The following SNX29 variants were observed in gnomAD, a reference collection of about 807,000 sequenced individuals.
The protein encoded by SNX29 is sorting nexin 29.
Under a neutral mutation model 102.1 loss-of-function variants are expected in SNX29, and 78 were observed. That is an observed-to-expected ratio of 0.76 (90% CI 0.64 to 0.92). The LOEUF is 0.92. SNX29 is among the 40% of genes least tolerant of loss of function. The pLI, the probability that SNX29 is intolerant of heterozygous loss-of-function variation, is 0.00. For synonymous variants in SNX29, 580 were observed against 414.5 expected (o/e 1.40, Z -4.85); for missense variants, 1,280 against 1,061.7 (o/e 1.21, Z -2.86).
At chr16:12,260,247 A>G (rs1430130363) in intron 14 of SNX29, among the ~76,000 whole-genome samples, 3 of 152,142 alleles carry the variant, frequency 2.0e-5, no homozygotes, top group African/African-American at 7.2e-5. Context: ...CTGGTGCTAC[A>G]GGCGTCCTTG....
At chr16:12,223,777 G>A (rs1171789503) in intron 14 of SNX29, among the ~76,000 whole-genome samples, 3 of 152,206 alleles carry the variant, frequency 2.0e-5, no homozygotes, top group African/African-American at 7.2e-5. Flanking sequence ...GACCTAGAGG[G>A]GACCTTTTCA....
At chr16:12,071,195 T>C (rs2051282520) in intron 10 of SNX29, among the ~76,000 whole-genome samples, 1 of 152,062 alleles carries the variant, frequency 6.6e-6, no homozygotes, top group Non-Finnish European at 1.5e-5. Context: ...TTGTCAATTT[T>C]GGCTTTTGTT....
At chr16:12,446,998 C>G (rs1326444766) in intron 18 of SNX29, among the ~76,000 whole-genome samples, 4 of 151,402 alleles carry the variant, frequency 2.6e-5, no homozygotes, top group East Asian at 1.9e-4. Context: ...GACCCCGTCT[C>G]TACTATAATA....
chr16:11,976,915 C>T (rs2055312789), intron 1 of SNX29, 102 bp downstream of exon 1: 17 of 1,273,454 alleles, frequency 1.3e-5, no homozygotes, highest in Non-Finnish European at 1.5e-5. Flanking sequence ...CGCTCCCTCG[C>T]AGACCCCCTC....
At chr16:12,187,092 C>G (rs1297398307) in intron 13 of SNX29, among the ~76,000 whole-genome samples, 1 of 152,262 alleles carries the variant, frequency 6.6e-6, no homozygotes, top group Non-Finnish European at 1.5e-5. Flanking sequence ...GTTGGAAGAT[C>G]TGGCCACACA....
chr16:12,100,053 A>G (rs2052945965), intron 11 of SNX29, among the ~76,000 whole-genome samples: 1 of 152,158 alleles, frequency 6.6e-6, no homozygotes, highest in Non-Finnish European at 1.5e-5. Flanking sequence ...AGGCTCAGCG[A>G]TGGAGGAACT....
At chr16:12,282,928 A>T (rs1403355619) in intron 15 of SNX29, among the ~76,000 whole-genome samples, 1 of 152,194 alleles carries the variant, frequency 6.6e-6, no homozygotes, top group Non-Finnish European at 1.5e-5. Flanking sequence ...AAGTGCTGGG[A>T]TTACAGGCGT....
chr16:12,566,893 G>A lies in SNX29; in HGVS notation c.2319-1613G>A, dbSNP rs142320777. Among the ~76,000 whole-genome samples the A allele has an allele frequency of 3.6e-3, 546 of 152,348 alleles. 2 individuals are homozygous for A. The highest frequency in any genetic ancestry group is 0.012 in the African/African-American group (514 of 41,590). ...GGCAAAGCAACAACTTGACTTACAGGAAAAGACAATCATTAAAAGGGGTCT... is the reference window on the plus strand; with the variant it reads ...GGCAAAGCAACAACTTGACTTACAGAAAAAGACAATCATTAAAAGGGGTCT... On this transcript the variant is annotated intron_variant, in intron 20 of 20. Coordinates refer to ENST00000566228, the MANE Select transcript of SNX29 (RefSeq NM_032167.5).
intron 15 of SNX29, among the ~76,000 whole-genome samples, chr16:12,281,001 C>G (rs573203459): frequency 6.6e-6 from 1 of 152,138 alleles, no homozygotes; most frequent in Admixed American, 6.5e-5. Context: ...TCAACCTCCC[C>G]GGCTCAACGG....
At chr16:12,218,304 G>A (rs1052626078) in intron 14 of SNX29, among the ~76,000 whole-genome samples, 1 of 149,004 alleles carries the variant, frequency 6.7e-6, no homozygotes, top group Non-Finnish European at 1.5e-5. Flanking sequence ...GATCACCAGA[G>A]GTAATCACAC....
At chr16:12,490,490 A>C (rs554257770) in intron 19 of SNX29, among the ~76,000 whole-genome samples, 3 of 152,358 alleles carry the variant, frequency 2.0e-5, no homozygotes, top group Non-Finnish European at 4.4e-5. Flanking sequence ...CTCAATTACA[A>C]ATAGTGCTGT....
intron 19 of SNX29, among the ~76,000 whole-genome samples, chr16:12,491,202 C>T (rs1215218536): frequency 6.6e-6 from 1 of 152,140 alleles, no homozygotes; most frequent in African/African-American, 2.4e-5. Flanking sequence ...GCAATTTTTC[C>T]CTATTTGGTC....
intron 19 of SNX29, among the ~76,000 whole-genome samples, chr16:12,519,440 G>A (rs774266962): frequency 6.6e-6 from 1 of 152,180 alleles, no homozygotes; most frequent in African/African-American, 2.4e-5. Context: ...CACAGGCTAG[G>A]TCTTAGATAA....
At chr16:12,464,467 A>G (rs575807221) in intron 18 of SNX29, among the ~76,000 whole-genome samples, 13 of 151,928 alleles carry the variant, frequency 8.6e-5, no homozygotes, top group South Asian at 2.1e-4. Context: ...CAGTTAGTTA[A>G]TTTGAGACAG....
intron 19 of SNX29, among the ~76,000 whole-genome samples, chr16:12,495,714 G>A (rs1567622316): frequency 6.6e-6 from 1 of 152,338 alleles, no homozygotes; most frequent in East Asian, 1.9e-4. Flanking sequence ...GCTGGATGGG[G>A]TCAGTGTGGC....
intron 20 of SNX29, among the ~76,000 whole-genome samples, chr16:12,547,119 G>T (rs533529377): frequency 6.6e-6 from 1 of 152,234 alleles, no homozygotes; most frequent in African/African-American, 2.4e-5. Flanking sequence ...GACAGGAAAT[G>T]ACATCACAGT....
chr16:12,223,090 G>A (rs2142128781), intron 14 of SNX29, among the ~76,000 whole-genome samples: 1 of 152,324 alleles, frequency 6.6e-6, no homozygotes, highest in African/African-American at 2.4e-5. Flanking sequence ...TTTCCTCAGT[G>A]TGAGTTGTCA....
At chr16:12,035,370 C>G (rs1479534349) in intron 4 of SNX29, among the ~76,000 whole-genome samples, 1 of 152,074 alleles carries the variant, frequency 6.6e-6, no homozygotes, top group Non-Finnish European at 1.5e-5. Context: ...CGCCACCATG[C>G]CTGGTTAATT....
intron 20 of SNX29, among the ~76,000 whole-genome samples, chr16:12,536,559 C>G (rs1446792456): frequency 6.6e-6 from 1 of 152,168 alleles, no homozygotes; most frequent in Non-Finnish European, 1.5e-5. Context: ...TAGCCCCTAC[C>G]TCAGAAAGTT....
Sources: allele counts gnomAD v4.1 joint callset (sites outside exome capture counted in the v4.1 genomes callset), GRCh38; gene constraint gnomAD v4.1.1; transcripts MANE v1.5; gene names NCBI Gene and HGNC (gene_info 2026-07-23, HGNC 2026-07-21).